NELL2: variants seen among roughly 807,000 people sequenced by gnomAD.
NELL2 encodes protein kinase C-binding protein NELL2.
A neutral mutation model predicts 109.6 loss-of-function variants in NELL2; 41 were observed. That is an observed-to-expected ratio of 0.37 (90% confidence interval 0.29 to 0.49). The LOEUF (loss-of-function observed/expected upper bound fraction) is 0.49, where lower values mean the gene tolerates loss of function less well. NELL2 is among the 20% of genes least tolerant of loss of function. The pLI is 0.98. For missense variants in NELL2, 900 were observed against 1,008.3 expected (o/e 0.89, Z 1.45); for synonymous variants, 355 against 344.7 (o/e 1.03, Z -0.33).
chr12:44,579,154 G>A (rs1373809043), intron 15 of NELL2, among the ~76,000 whole-genome samples: 3 of 152,110 alleles, frequency 2.0e-5, no homozygotes, highest in Non-Finnish European at 2.9e-5. Context: ...ATTTGTCCCT[G>A]AATTGTTGTC....
In NELL2 at chr12:44,760,271, T is replaced by C. The variant is rs544505996; in HGVS notation, c.994+14476A>G. Among the ~76,000 whole-genome samples, 7 of 152,248 alleles carry C rather than the reference T, an allele frequency of 4.6e-5. No homozygotes were observed. In the South Asian group the frequency reaches 1.4e-3, roughly 32 times the overall value. ...TATTAAAATAACAAACAAAATAATA[T>C]AGATTTTTTAAAAACCCCAAATAAC... On this transcript the variant is annotated intron_variant, in intron 9 of 19. Coordinates refer to ENST00000429094, the MANE Select transcript of NELL2 (RefSeq NM_001145108.2).
Position 44,518,536 on chromosome 12 carries a change from T to C in NELL2, c.2400+1469A>G, listed in dbSNP as rs188299158. ...CTGGGATTACAGGCGTGAGCCACCG[T>C]GCCCGGCCTCATTCAAATTCTTTAC... On this transcript the variant is annotated intron_variant, in intron 19 of 19. Coordinates refer to ENST00000429094, the MANE Select transcript of NELL2 (RefSeq NM_001145108.2). Among the ~76,000 whole-genome samples the C allele has an allele frequency of 1.4e-3, 210 of 152,300 alleles. 1 individual carries two copies. The highest frequency in any genetic ancestry group is 4.8e-3 in the African/African-American group (200 of 41,588).
intron 18 of NELL2, 42 bp downstream of exon 18, chr12:44,521,958 C>A: frequency 6.2e-7 from 1 of 1,602,566 alleles, no homozygotes; most frequent in Non-Finnish European, 8.5e-7. Context: ...TATTTAGATT[C>A]TGGGCCTAAA....
intron 3 of NELL2, 39 bp downstream of exon 3, chr12:44,815,947 T>C (rs1352148724): frequency 6.3e-7 from 1 of 1,585,662 alleles, no homozygotes; most frequent in Non-Finnish European, 8.6e-7. Flanking sequence ...TTTAACCACA[T>C]ATAATGAAAA....
chr12:44,690,804 TAAAG>T (rs980447020), intron 12 of NELL2, among the ~76,000 whole-genome samples: 27 of 152,276 alleles, frequency 1.8e-4, no homozygotes, highest in African/African-American at 6.0e-4. Flanking sequence ...GAATGCTGAA[TAAAG>T]AGTCTCTATA....
intron 15 of NELL2, among the ~76,000 whole-genome samples, chr12:44,602,503 A>C (rs1945256960): frequency 6.6e-6 from 1 of 152,234 alleles, no homozygotes; most frequent in East Asian, 1.9e-4. Context: ...AAGCAGAATA[A>C]ATTCAAAATA....
intron 3 of NELL2, among the ~76,000 whole-genome samples, chr12:44,791,001 C>T (rs1433698272): frequency 7.3e-6 from 1 of 137,696 alleles, no homozygotes; most frequent in African/African-American, 2.7e-5. Flanking sequence ...ACTGGAGCTC[C>T]CAAATTTATA....
chr12:44,743,653 G>C (rs1592443261), intron 9 of NELL2, among the ~76,000 whole-genome samples: 1 of 152,176 alleles, frequency 6.6e-6, no homozygotes, highest in African/African-American at 2.4e-5. Context: ...TGCAATCCTA[G>C]TCTCTGATAA....
At chr12:44,728,580 T>G (rs1200783276) in intron 9 of NELL2, among the ~76,000 whole-genome samples, 2 of 152,074 alleles carry the variant, frequency 1.3e-5, no homozygotes, top group Admixed American at 6.6e-5. Context: ...AAATAACAGC[T>G]GAAAACTTCC....
upstream of NELL2, among the ~76,000 whole-genome samples, chr12:44,878,878 A>G (rs932080372): frequency 3.9e-5 from 6 of 152,220 alleles, no homozygotes; most frequent in Admixed American, 2.6e-4. Flanking sequence ...CTTAAGAAAC[A>G]GTCTTTTCCA....
intron 9 of NELL2, among the ~76,000 whole-genome samples, chr12:44,740,231 T>C (rs1405045170): frequency 6.6e-6 from 1 of 152,226 alleles, no homozygotes; most frequent in African/African-American, 2.4e-5. Flanking sequence ...GCTTTCTTGC[T>C]TTTAAGAACG....
At chr12:44,732,946 G>T (rs1274161740) in intron 9 of NELL2, among the ~76,000 whole-genome samples, 4 of 151,902 alleles carry the variant, frequency 2.6e-5, no homozygotes, top group Non-Finnish European at 5.9e-5. Context: ...TATATGAATA[G>T]ATCCTTAACA....
intron 9 of NELL2, among the ~76,000 whole-genome samples, chr12:44,761,913 T>G (rs1273156157): frequency 6.6e-6 from 1 of 152,000 alleles, no homozygotes; most frequent in Non-Finnish European, 1.5e-5. Flanking sequence ...GGTTGAAAAA[T>G]TACCTACTGG....
At chr12:44,843,010 A>C (rs923401854) in intron 2 of NELL2, among the ~76,000 whole-genome samples, 6 of 152,146 alleles carry the variant, frequency 3.9e-5, no homozygotes, top group African/African-American at 1.4e-4. Context: ...TGAGAGAATA[A>C]ATTTCTGTTG....
At chr12:44,682,094 T>G (rs1948530874) in intron 12 of NELL2, among the ~76,000 whole-genome samples, 2 of 150,168 alleles carry the variant, frequency 1.3e-5, no homozygotes, top group Admixed American at 1.3e-4. Flanking sequence ...TTCTTGACTT[T>G]TTAAAGATTG....
intron 9 of NELL2, among the ~76,000 whole-genome samples, chr12:44,768,725 C>A (rs1049949785): frequency 2.0e-5 from 3 of 150,528 alleles, no homozygotes; most frequent in African/African-American, 7.3e-5. Flanking sequence ...ATACGTAAAA[C>A]AACACACCTT....
intron 9 of NELL2, among the ~76,000 whole-genome samples, chr12:44,755,108 T>C (rs1940825526): frequency 6.6e-6 from 1 of 152,200 alleles, no homozygotes; most frequent in Non-Finnish European, 1.5e-5. Flanking sequence ...GGAATTCTAA[T>C]TCTACCCTTT....
intron 12 of NELL2, among the ~76,000 whole-genome samples, chr12:44,690,751 T>C (rs1408307003): frequency 6.6e-6 from 1 of 152,170 alleles, no homozygotes; most frequent in Non-Finnish European, 1.5e-5. Context: ...ACCTATTATA[T>C]GCATGGTACA....
chr12:44,780,218 A>G (rs552791009), intron 3 of NELL2, among the ~76,000 whole-genome samples, 196 bp from the exon 4 acceptor site: 2 of 152,218 alleles, frequency 1.3e-5, no homozygotes, highest in East Asian at 3.9e-4. Flanking sequence ...AAGGAACAAT[A>G]TGGTAGTGAG....
Sources: gnomAD v4.1 joint callset for allele counts (sites outside exome capture counted in the v4.1 genomes callset) on GRCh38, gnomAD v4.1.1 for gene constraint, MANE v1.5 for transcripts, NCBI Gene and HGNC (gene_info 2026-07-23, HGNC 2026-07-21) for gene names.